NLRP5: variants seen among roughly 807,000 people sequenced by gnomAD.
The protein encoded by NLRP5 is NLR family pyrin domain containing 5.
In NLRP5, 93 loss-of-function variants were observed where a neutral mutation model predicts 113.1. The observed-to-expected ratio is 0.82, with a 90% CI of 0.70 to 0.98. NLRP5 has a LOEUF of 0.98. Among genes scored for constraint, NLRP5 ranks in the 50% least tolerant of loss-of-function variants. The pLI, the probability that NLRP5 is intolerant of heterozygous loss-of-function variation, is 0.00. For synonymous variants in NLRP5, 751 were observed against 600.7 expected (o/e 1.25, Z -3.66); for missense variants, 1,808 against 1,514.3 (o/e 1.19, Z -3.22).
In NLRP5 at chr19:56,013,599, T is replaced by G. The variant is rs1214827321; in HGVS notation, c.509-2143T>G. ...TTATCACATGATGGACATTTGGGTT[T>G]TTTTTTTTTTTTTTTTTTGCTATTA... is the stretch of plus-strand genomic sequence containing the variant. On this transcript the variant is annotated intron_variant, in intron 3 of 14. Transcript: ENST00000390649. 8.5e-5 allele frequency among the ~76,000 whole-genome samples: 11 copies of G among 130,078 alleles called. 2 individuals are homozygous for G. The Admixed American group carries it at 9.2e-4, about 11-fold the overall frequency. 85.3% of individuals were successfully genotyped at this position (130,078 alleles called of 152,430 possible).
In NLRP5 at chr19:56,023,698, G is replaced by A. The variant is rs546865283; in HGVS notation, c.680-3215G>A. ...GATGACTTAAACTACATGGGAGGATGTGCGTAGGTTATATGCAGTTATACC... is the reference window on the plus strand; with the variant it reads ...GATGACTTAAACTACATGGGAGGATATGCGTAGGTTATATGCAGTTATACC... On this transcript the variant is annotated intron_variant, in intron 6 of 14. Coordinates refer to ENST00000390649, the MANE Select transcript of NLRP5 (RefSeq NM_153447.4). Among the ~76,000 whole-genome samples the A allele has an allele frequency of 7.9e-5, 12 of 152,310 alleles. 1 individual carries two copies. The highest frequency in any genetic ancestry group is 2.9e-4 in the African/African-American group (12 of 41,576).
At chr19:56,013,911 C>G (rs1292152124) in intron 3 of NLRP5, among the ~76,000 whole-genome samples, 1 of 152,040 alleles carries the variant, frequency 6.6e-6, no homozygotes, top group African/African-American at 2.4e-5. Context: ...TAATTATGTT[C>G]AGAATCTTTT....
At chr19:55,992,336 G>A in the NLRP5 span, among the ~76,000 whole-genome samples, 1 of 152,096 alleles carries the variant, frequency 6.6e-6, no homozygotes, top group African/African-American at 2.4e-5. Flanking sequence ...ACATTTGCAT[G>A]CATGTATCTT....
chr19:56,032,445 G>A lies in NLRP5; in HGVS notation c.2277-166G>A, dbSNP rs531554117. Among the ~76,000 whole-genome samples the A allele has an allele frequency of 5.9e-5, 9 of 152,174 alleles. No homozygotes were observed. The South Asian group carries it at 6.2e-4, about 11-fold the overall frequency. ...ATATCCGGGAGGCAGGGTGGACACC[G>A]GGCTAGTCATGCAAAGTGTGATGGC... On this transcript the variant is annotated intron_variant, in intron 7 of 14. Coordinates refer to ENST00000390649, the MANE Select transcript of NLRP5 (RefSeq NM_153447.4).
In NLRP5 at chr19:56,027,525, G is replaced by C; in HGVS notation, c.1292G>C (p.Gly431Ala). 1 of 1,613,980 alleles carries C rather than the reference G, an allele frequency of 6.2e-7. No homozygotes were observed. The highest frequency in any genetic ancestry group is 1.1e-5 in the South Asian group (1 of 91,072). ...TCTCCCCGTTACCTGTTAGTTAGAG[G>C]AATCTCCGGGGAACAAAGAATCCAC... Residue 431 changes from glycine to alanine, a missense_variant, in exon 7 of 15, where the codon GGA (glycine) becomes GCA (alanine). Physicochemically the swap from Gly to Ala is moderately conservative, Grantham distance 60. Transcript: ENST00000390649.
chr19:56,055,545 T>C (rs1448329479), intron 13 of NLRP5, among the ~76,000 whole-genome samples: 1 of 96,830 alleles, frequency 1.0e-5, no homozygotes. Context: ...GTCTTTTTTT[T>C]TTTTTTTTTT....
chr19:56,015,630 G>C (rs1463083724), intron 3 of NLRP5, 112 bp from the exon 4 acceptor site: 1 of 827,710 alleles, frequency 1.2e-6, no homozygotes, highest in South Asian at 2.6e-5. Context: ...GCTCTAAACT[G>C]GTCAGAAAAT....
At chr19:55,993,322 C>T in the NLRP5 span, among the ~76,000 whole-genome samples, 1 of 147,846 alleles carries the variant, frequency 6.8e-6, no homozygotes, top group Admixed American at 6.8e-5. Context: ...AGAACACCTG[C>T]ACCCATTTCT....
At chr19:55,988,034 G>C in the NLRP5 span, 1 of 716,672 alleles carries the variant, frequency 1.4e-6, no homozygotes, top group South Asian at 1.6e-5. Context: ...GAGCAACCCA[G>C]TCAACACCAC....
chr19:56,061,744 C>T lies in NLRP5; in HGVS notation c.*216C>T. 1 of 535,818 alleles carries T rather than the reference C, an allele frequency of 1.9e-6. No homozygotes were observed. Among genetic ancestry groups the T allele is most frequent in the African/African-American group, 1.9e-5 (1 of 52,274 alleles). The allele number at this position is 535,818 out of a possible 1,614,324, so 33.2% of individuals were successfully genotyped here. ...ACCTTCAAGTCATAGGACTCAGTAT[C>T]TGTGAAATGTCCGTCATATCTCAGA... On this transcript the variant is annotated 3_prime_UTR_variant, in exon 15 of 15. Coordinates refer to ENST00000390649, the MANE Select transcript of NLRP5 (RefSeq NM_153447.4).
chr19:55,992,888 T>A, the NLRP5 span, among the ~76,000 whole-genome samples: 1 of 152,078 alleles, frequency 6.6e-6, no homozygotes. Context: ...TCGCTCTTGT[T>A]GCCCAGGCTG....
At chr19:56,000,879 G>A (rs1981619577) in intron 1 of NLRP5, among the ~76,000 whole-genome samples, 1 of 151,660 alleles carries the variant, frequency 6.6e-6, no homozygotes, top group African/African-American at 2.4e-5. Context: ...GGTGGTGCAC[G>A]CCTGTAATCC....
intron 3 of NLRP5, among the ~76,000 whole-genome samples, chr19:56,010,742 C>CAAA (rs1412317286): frequency 0.15 from 6,057 of 41,278 alleles, 1,074 homozygotes; most frequent in South Asian, 0.21. Context: ...AACTCTGTCT[C>CAAA]AAAAAAAAAA....
At chr19:55,988,460 ATATATATATG>A in the NLRP5 span, 1 of 145,786 alleles carries the variant, frequency 6.9e-6, no homozygotes, top group African/African-American at 2.5e-5. Context: ...ATATATATAT[ATATATATATG>A]CTATATAAAG....
Position 56,027,760 on chromosome 19 carries a change from G to C in NLRP5, c.1527G>C (p.Gln509His). ...TGCACGCCGCTTTTGTGTTTCATCA[G>C]CTCACCCCTCGAGGCGTGGTCCGGC... is the stretch of plus-strand genomic sequence containing the variant. Residue 509 changes from glutamine to histidine, a missense_variant, in exon 7 of 15, where the codon CAG becomes CAC. Transcript: ENST00000390649. 5.6e-6 allele frequency: 9 copies of C among 1,613,852 alleles called. No individual in the cohort carries two copies. Among genetic ancestry groups the C allele is most frequent in the Non-Finnish European group, 7.6e-6 (9 of 1,179,888 alleles).
chr19:55,999,852 G>A (rs563710205), intron 1 of NLRP5: 11 of 1,165,838 alleles, frequency 9.4e-6, no homozygotes, highest in Non-Finnish European at 1.4e-5. Context: ...ATGACACACG[G>A]ATCGAATCCC....
chr19:55,989,482 ACCT>A, the NLRP5 span, among the ~76,000 whole-genome samples: 2 of 152,098 alleles, frequency 1.3e-5, no homozygotes, highest in Admixed American at 1.3e-4. Flanking sequence ...CGAACTCCTG[ACCT>A]CAGATGATCC....
In NLRP5 at chr19:56,043,542, C is replaced by CTTTTTTTTTTTTTT. The variant is rs369622191; in HGVS notation, c.2957+2478_2957+2491dup. On this transcript the variant is annotated intron_variant, in intron 11 of 14. Transcript: ENST00000390649. ...TGGATTGTCTGTTTACTCTGCTATT[C>CTTTTTTTTTTTTTT]TTTTTTTTTTTTTTTTTTTTTTTTT... Among the ~76,000 whole-genome samples the CTTTTTTTTTTTTTT allele has an allele frequency of 6.5e-5, 6 of 92,960 alleles. 2 individuals are homozygous for CTTTTTTTTTTTTTT. Among genetic ancestry groups the CTTTTTTTTTTTTTT allele is most frequent in the Admixed American group, 2.2e-4 (2 of 9,204 alleles). 61.0% of individuals were successfully genotyped at this position (92,960 alleles called of 152,430 possible).
chr19:56,061,274 G>A (rs1483948923), intron 14 of NLRP5, 122 bp from the exon 15 acceptor site: 2 of 980,172 alleles, frequency 2.0e-6, no homozygotes, highest in African/African-American at 1.7e-5. Context: ...ACTCTTTGGG[G>A]CACGTTCCTT....
Sources: gnomAD v4.1 joint callset for allele counts (sites outside exome capture counted in the v4.1 genomes callset) on GRCh38, gnomAD v4.1.1 for gene constraint, MANE v1.5 for transcripts, NCBI Gene and HGNC (gene_info 2026-07-23, HGNC 2026-07-21) for gene names.